Variants in KDM5A observed in about 807,000 individuals in gnomAD.
KDM5A encodes lysine demethylase 5A, also known as lysine-specific demethylase 5A.
KDM5A carries 42 observed loss-of-function variants against 193.5 expected under a neutral mutation model. The ratio of observed to expected loss-of-function variants is 0.22; its 90% confidence interval spans 0.17 to 0.28. The LOEUF (loss-of-function observed/expected upper bound fraction) is 0.28, where lower values mean the gene tolerates loss of function less well. Ranked by LOEUF, KDM5A falls within the 10% of genes least tolerant of loss-of-function variation. The pLI, the probability that KDM5A is intolerant of heterozygous loss-of-function variation, is 1.00. For missense variants in KDM5A, 1,692 were observed against 2,055.1 expected (o/e 0.82, Z 3.42); for synonymous variants, 796 against 718.1 (o/e 1.11, Z -1.73).
chr12:302,934 G>A (rs376972649), intron 24 of KDM5A, among the ~76,000 whole-genome samples: 5 of 152,190 alleles, frequency 3.3e-5, no homozygotes, highest in South Asian at 2.1e-4. Context: ...CATCACTGTC[G>A]CTAGAGAATT....
chr12:376,402 G>A (rs1378127080), intron 3 of KDM5A, among the ~76,000 whole-genome samples: 1 of 152,240 alleles, frequency 6.6e-6, no homozygotes, highest in Admixed American at 6.5e-5. Context: ...TAATCTCCTG[G>A]TGTGCCGTTT....
chr12:285,064 A>G lies in KDM5A; in HGVS notation c.*392T>C. 1 of 295,174 alleles carries G rather than the reference A, an allele frequency of 3.4e-6. No individual in the cohort carries two copies. The highest frequency in any genetic ancestry group is 6.4e-6 in the Non-Finnish European group (1 of 155,952). 18.3% of individuals were successfully genotyped at this position (295,174 alleles called of 1,614,324 possible). On this transcript the variant is annotated 3_prime_UTR_variant, in exon 28 of 28. Coordinates refer to ENST00000399788, the MANE Select transcript of KDM5A (RefSeq NM_001042603.3). ...GGAGATCCAAGCAATTAGCACCTTC[A>G]GTTGGTGCTGCTCCTAAGTTGTAAG...
At chr12:304,267 G>A (rs986064524) in intron 24 of KDM5A, among the ~76,000 whole-genome samples, 4 of 151,960 alleles carry the variant, frequency 2.6e-5, no homozygotes, top group Non-Finnish European at 4.4e-5. Flanking sequence ...AACCAAGAGG[G>A]GGCTCTTCCT....
intron 3 of KDM5A, among the ~76,000 whole-genome samples, chr12:371,314 GGAGT>G (rs1445687585): frequency 3.3e-5 from 5 of 152,186 alleles, no homozygotes; most frequent in Non-Finnish European, 7.3e-5. Context: ...CACTCTAACT[GGAGT>G]GAGATGGTAT....
chr12:287,480 G>A (rs1411086138), intron 27 of KDM5A, among the ~76,000 whole-genome samples: 2 of 146,534 alleles, frequency 1.4e-5, no homozygotes, highest in East Asian at 2.0e-4. Flanking sequence ...TCCTATTGTA[G>A]CAAACTAATC....
In KDM5A at chr12:389,029, G is replaced by A. The variant is rs756529543; in HGVS notation, c.63C>T (p.Val21=). 2.5e-6 allele frequency: 4 copies of A among 1,604,150 alleles called. No homozygotes were observed. The highest frequency in any genetic ancestry group is 1.7e-5 in the Admixed American group (1 of 59,588). ...AEFVPPPECP[V]FEPSWEEFTD... The stretch of plus-strand genomic sequence containing the variant: ...TGAACTCCTCCCAACTCGGCTCAAA[G>A]ACGGGGCACTCTGGCGGTGGCACGA... Residue 21 remains valine (V), a synonymous_variant, in exon 1 of 28, where the codon GTC becomes GTT. Coordinates refer to ENST00000399788, the MANE Select transcript of KDM5A (RefSeq NM_001042603.3).
In KDM5A at chr12:359,683, G is replaced by A. The variant is rs1406510773; in HGVS notation, c.673-3146C>T. Among the ~76,000 whole-genome samples, 4 of 139,266 alleles carry A rather than the reference G, an allele frequency of 2.9e-5. No homozygotes were observed. In the Admixed American group the frequency reaches 3.0e-4, roughly 11 times the overall value. The allele number at this position is 139,266 out of a possible 152,430, so 91.4% of individuals were successfully genotyped here. A position where few individuals can be genotyped will look rare whatever the true frequency, so the allele number is the denominator to read the frequency against. ...CTTTAGCCCAGGAGGCAGAGGTTGC[G>A]ATTAACCAAGACTGCGCCACTGCAC... is the stretch of plus-strand genomic sequence containing the variant. On this transcript the variant is annotated intron_variant, in intron 5 of 27. Transcript: ENST00000399788.
rs1195170360 is a variant in KDM5A, at chr12:280,374, A to G, written c.*5082T>C. On this transcript the variant is annotated 3_prime_UTR_variant, in exon 28 of 28. Transcript: ENST00000399788. ...CCAACACAATTTTTTTTTTTAATGG[A>G]CTTGCCACCTTAAGAAACTTCAAGT... The G allele has an allele frequency of 4.3e-6, 1 of 232,544 alleles. No individual in the cohort carries two copies. The highest frequency in any genetic ancestry group is 2.2e-5 in the African/African-American group (1 of 45,148). 14.4% of individuals were successfully genotyped at this position (232,544 alleles called of 1,614,324 possible). A position where few individuals can be genotyped will look rare whatever the true frequency, so the allele number is the denominator to read the frequency against.
At chr12:297,940 C>T (rs183833200) in intron 24 of KDM5A, among the ~76,000 whole-genome samples, 28 of 152,228 alleles carry the variant, frequency 1.8e-4, no homozygotes, top group Admixed American at 4.6e-4. Context: ...GTGTTAAGGT[C>T]AAAAACAATC....
At chr12:367,629 G>A (rs532642860) in intron 3 of KDM5A, among the ~76,000 whole-genome samples, 2 of 152,196 alleles carry the variant, frequency 1.3e-5, no homozygotes, top group East Asian at 3.9e-4. Flanking sequence ...TTGAACCCAG[G>A]AGGCAAAGGT....
At chr12:388,365 A>G (rs1381877246) in intron 1 of KDM5A, 1 of 448,180 alleles carries the variant, frequency 2.2e-6, no homozygotes, top group Non-Finnish European at 4.5e-6. Context: ...ACTATAAACC[A>G]ATTTTTCCTA....
intron 25 of KDM5A, among the ~76,000 whole-genome samples, chr12:296,238 C>A (rs908419898): frequency 2.0e-5 from 3 of 150,958 alleles, no homozygotes; most frequent in Non-Finnish European, 4.4e-5. Flanking sequence ...AGGACAATCT[C>A]TTGAACTAGG....
chr12:348,311 T>C (rs182586112), intron 10 of KDM5A, among the ~76,000 whole-genome samples: 205 of 152,342 alleles, frequency 1.3e-3, no homozygotes, highest in African/African-American at 4.7e-3. Context: ...ACACTGTTGG[T>C]GGGACTGTAC....
chr12:370,183 G>C (rs564112903), intron 3 of KDM5A, among the ~76,000 whole-genome samples: 4 of 152,042 alleles, frequency 2.6e-5, no homozygotes, highest in Non-Finnish European at 4.4e-5. Context: ...ACCTGAGGTC[G>C]AGAGTTCGAA....
intron 13 of KDM5A, among the ~76,000 whole-genome samples, chr12:330,079 G>GTATA (rs201475150): frequency 7.4e-4 from 97 of 131,108 alleles, no homozygotes; most frequent in African/African-American, 2.9e-3. Flanking sequence ...GTGTGTGTGT[G>GTATA]TGTGTGTATA....
In KDM5A at chr12:333,580, C is replaced by G. The variant is rs772144535; in HGVS notation, c.1560G>C (p.Glu520Asp). The G allele has an allele frequency of 1.2e-6, 2 of 1,614,128 alleles. No individual in the cohort carries two copies. The highest frequency in any genetic ancestry group is 1.7e-6 in the Non-Finnish European group (2 of 1,179,994). Residue 520 changes from glutamate (E) to aspartate (D), a missense_variant, in exon 12 of 28, where the codon GAG (glutamate) becomes GAC (aspartate). Glu to Asp is a conservative substitution (Grantham distance 45, BLOSUM62 2). Coordinates refer to ENST00000399788, the MANE Select transcript of KDM5A (RefSeq NM_001042603.3). ...GGGATTCAAATAACTCGGGGGCCAG[C>G]TCTCTCATCACCTCCTCCAGTTGCT... ...AAEQLEEVMR[E>D]LAPELFESQP...
intron 3 of KDM5A, among the ~76,000 whole-genome samples, chr12:376,284 C>G (rs887232071): frequency 1.3e-5 from 2 of 152,226 alleles, no homozygotes; most frequent in African/African-American, 2.4e-5. Context: ...CAATTGTGGG[C>G]ACCCATCCCC....
chr12:372,986 T>C (rs1231452121), intron 3 of KDM5A, among the ~76,000 whole-genome samples: 2 of 152,198 alleles, frequency 1.3e-5, no homozygotes, highest in Non-Finnish European at 2.9e-5. Context: ...CTGCTGGATT[T>C]GGTTTGCCAG....
At chr12:361,093 T>C (rs1407543087) in intron 5 of KDM5A, among the ~76,000 whole-genome samples, 5 of 151,672 alleles carry the variant, frequency 3.3e-5, no homozygotes, top group Non-Finnish European at 5.9e-5. Flanking sequence ...AAATTAGGAG[T>C]TGAAAAAATT....
Sources: allele counts gnomAD v4.1 joint callset (sites outside exome capture counted in the v4.1 genomes callset), GRCh38; gene constraint gnomAD v4.1.1; transcripts MANE v1.5; gene names NCBI Gene and HGNC (gene_info 2026-07-23, HGNC 2026-07-21).